IMMP2L: variants seen among roughly 807,000 people sequenced by gnomAD.
IMMP2L encodes inner mitochondrial membrane peptidase subunit 2.
IMMP2L carries 18 observed loss-of-function variants against 19.3 expected under a neutral mutation model. That is an observed-to-expected ratio of 0.93 (90% confidence interval 0.64 to 1.38). IMMP2L has a LOEUF of 1.38. IMMP2L is among the 40% of genes most tolerant of loss of function. The pLI is 0.00. For missense variants in IMMP2L, 233 were observed against 218.2 expected (o/e 1.07, Z -0.43); for synonymous variants, 76 against 73.0 (o/e 1.04, Z -0.21).
intron 3 of IMMP2L, among the ~76,000 whole-genome samples, chr7:111,112,440 G>T (rs1237454776): frequency 1.3e-5 from 2 of 152,150 alleles, no homozygotes; most frequent in African/African-American, 2.4e-5. Context: ...GTTAGGGAAA[G>T]AGCTCATGTC....
rs1241792817 is a variant in IMMP2L at position 111,451,267 on chromosome 7, G to A, written c.239+35971C>T. 2.0e-5 allele frequency among the ~76,000 whole-genome samples: 3 copies of A among 149,488 alleles called. No homozygotes were observed. The East Asian group carries it at 5.8e-4, about 29-fold the overall frequency. Reference sequence around the variant, plus strand: ...GCTATAAAGACACATGCACACGTATGTTTATTGCGGCATTATTCACAATAG... The same window carrying A: ...GCTATAAAGACACATGCACACGTATATTTATTGCGGCATTATTCACAATAG... On this transcript the variant is annotated intron_variant, in intron 3 of 5. Transcript: ENST00000405709.
At chr7:111,043,355 T>A (rs1792079577) in intron 3 of IMMP2L, among the ~76,000 whole-genome samples, 1 of 152,220 alleles carries the variant, frequency 6.6e-6, no homozygotes, top group Non-Finnish European at 1.5e-5. Context: ...TGAAATTTCA[T>A]GGTTACTTAA....
intron 3 of IMMP2L, among the ~76,000 whole-genome samples, chr7:111,330,595 A>G (rs1175023150): frequency 6.6e-6 from 1 of 151,850 alleles, no homozygotes; most frequent in East Asian, 1.9e-4. Context: ...ATCCTCAGGG[A>G]ATCCAGGCAA....
At chr7:111,162,722 T>A (rs1023141185) in intron 3 of IMMP2L, among the ~76,000 whole-genome samples, 1 of 150,876 alleles carries the variant, frequency 6.6e-6, no homozygotes, top group African/African-American at 2.4e-5. Flanking sequence ...TGCCAATGAC[T>A]TTCTCCTGAC....
At chr7:111,435,462 G>C (rs909255846) in intron 3 of IMMP2L, among the ~76,000 whole-genome samples, 1 of 151,700 alleles carries the variant, frequency 6.6e-6, no homozygotes, top group African/African-American at 2.4e-5. Context: ...CTTATAAATG[G>C]AGGCTAAACA....
chr7:110,952,791 G>A (rs889180067), intron 4 of IMMP2L, among the ~76,000 whole-genome samples: 26 of 152,044 alleles, frequency 1.7e-4, no homozygotes, highest in African/African-American at 6.3e-4. Flanking sequence ...ACCTAGAGAG[G>A]ACATGATGGT....
At chr7:111,455,247 T>C (rs1839578539) in intron 3 of IMMP2L, among the ~76,000 whole-genome samples, 1 of 151,624 alleles carries the variant, frequency 6.6e-6, no homozygotes, top group South Asian at 2.1e-4. Flanking sequence ...TTCAGCATCC[T>C]TGATTGCCCA....
chr7:111,403,542 G>A (rs1160654992), intron 3 of IMMP2L, among the ~76,000 whole-genome samples: 1 of 151,958 alleles, frequency 6.6e-6, no homozygotes, highest in Non-Finnish European at 1.5e-5. Flanking sequence ...TACCAGGTTG[G>A]TACAATCACT....
intron 4 of IMMP2L, among the ~76,000 whole-genome samples, chr7:110,944,839 G>T (rs1817095815): frequency 6.6e-6 from 1 of 151,870 alleles, no homozygotes; most frequent in African/African-American, 2.4e-5. Context: ...CCATCCTAGA[G>T]AAATTCTAAC....
In IMMP2L at chr7:110,877,867, G is replaced by A. The variant is rs1156441826; in HGVS notation, c.408+8726C>T. 6.6e-6 allele frequency among the ~76,000 whole-genome samples: 1 copy of A among 151,908 alleles called. No homozygotes were observed. Among genetic ancestry groups the A allele is most frequent in the Non-Finnish European group, 1.5e-5 (1 of 68,002 alleles). On this transcript the variant is annotated intron_variant, in intron 5 of 5. Transcript: ENST00000405709. This position sits in a 1 kb window ranked among gnomAD's most constrained non-coding sequence, Gnocchi z 4.0. ...CTCATAAAAAACTAACACCATTAAG[G>A]ACCCAGACATATGTTTTTCCATATA...
At chr7:111,230,586 T>A (rs1813603606) in intron 3 of IMMP2L, among the ~76,000 whole-genome samples, 1 of 152,014 alleles carries the variant, frequency 6.6e-6, no homozygotes, top group Admixed American at 6.6e-5. Context: ...GATAGAAAAC[T>A]TTAGGCTTAG....
At chr7:111,529,462 TTAGTAC>T (rs1264663871) in intron 1 of IMMP2L, among the ~76,000 whole-genome samples, 1 of 152,190 alleles carries the variant, frequency 6.6e-6, no homozygotes, top group Non-Finnish European at 1.5e-5. Flanking sequence ...AAACAGACAC[TTAGTAC>T]TCTTTAGAAC....
intron 4 of IMMP2L, among the ~76,000 whole-genome samples, chr7:110,914,239 G>A (rs996049761): frequency 2.0e-5 from 3 of 152,088 alleles, no homozygotes; most frequent in East Asian, 1.9e-4. Context: ...GATCTCACTC[G>A]TTTAAAATTT....
intron 3 of IMMP2L, among the ~76,000 whole-genome samples, chr7:111,227,499 C>A (rs1813231880): frequency 1.3e-5 from 2 of 152,086 alleles, no homozygotes; most frequent in African/African-American, 4.8e-5. Flanking sequence ...TCACAGGAAG[C>A]AGTTCCATAT....
In IMMP2L at chr7:111,363,058, T is replaced by C. The variant is rs1829413700; in HGVS notation, c.239+124180A>G. Among the ~76,000 whole-genome samples the C allele has an allele frequency of 3.9e-5, 6 of 152,120 alleles. 1 individual carries two copies. In the South Asian group the frequency reaches 1.2e-3, roughly 32 times the overall value. Reference sequence around the variant, plus strand: ...CTAAGGGACACTATTCCTTCACTACTCCAAGTGTTTTAAATCCCTTCTCTC... The same window carrying C: ...CTAAGGGACACTATTCCTTCACTACCCCAAGTGTTTTAAATCCCTTCTCTC... On this transcript the variant is annotated intron_variant, in intron 3 of 5. Transcript: ENST00000405709.
intron 3 of IMMP2L, among the ~76,000 whole-genome samples, chr7:111,058,963 CT>C (rs962695733): frequency 2.6e-5 from 4 of 151,798 alleles, no homozygotes; most frequent in Admixed American, 2.0e-4. Flanking sequence ...TCTCACATCT[CT>C]TTTTTTTAAC....
chr7:111,267,180 G>C (rs1195986409), intron 3 of IMMP2L, among the ~76,000 whole-genome samples: 12 of 151,882 alleles, frequency 7.9e-5, no homozygotes, highest in Admixed American at 7.9e-4. Context: ...CCAAGCTGTG[G>C]GGTTGATAAT....
chr7:110,936,605 G>T (rs1040580634), intron 4 of IMMP2L, among the ~76,000 whole-genome samples: 1 of 152,160 alleles, frequency 6.6e-6, no homozygotes, highest in Non-Finnish European at 1.5e-5. Flanking sequence ...GTTGGTGGGA[G>T]TGTAAATTAG....
At position 111,131,057 on chromosome 7, in the gene IMMP2L, T is replaced by C. The variant is rs140179234; in HGVS notation, c.240-167492A>G. ...TAAAATGCATGAATTCATATAAGTA[T>C]ATGATGCTAACAAGTCAATTCAAAC... On this transcript the variant is annotated intron_variant, in intron 3 of 5. Transcript: ENST00000405709. Among the ~76,000 whole-genome samples, 5 of 152,176 alleles carry C rather than the reference T, an allele frequency of 3.3e-5. No individual in the cohort carries two copies. In the East Asian group the frequency reaches 9.6e-4, roughly 29 times the overall value.
Sources: gnomAD v4.1 joint callset for allele counts (sites outside exome capture counted in the v4.1 genomes callset) on GRCh38, gnomAD v4.1.1 for gene constraint, Gnocchi (gnomAD v3.1) non-coding constraint, MANE v1.5 for transcripts, NCBI Gene and HGNC (gene_info 2026-07-23, HGNC 2026-07-21) for gene names.